Variants in ARHGEF3 observed in about 807,000 individuals in gnomAD.
ARHGEF3 encodes the protein 59.8 kDA protein.
In ARHGEF3, 28 loss-of-function variants were observed where a neutral mutation model predicts 63.2. The ratio of observed to expected loss-of-function variants is 0.44; its 90% CI spans 0.33 to 0.61. The LOEUF (loss-of-function observed/expected upper bound fraction) is 0.61. Among genes scored for constraint, ARHGEF3 ranks in the 20% least tolerant of loss-of-function variants. ARHGEF3 has a pLI of 0.03. For synonymous variants in ARHGEF3, 266 were observed against 254.2 expected, an observed-to-expected ratio of 1.05 and a Z score of -0.44; for missense variants, 533 against 659.3, an observed-to-expected ratio of 0.81 and a Z score of 2.10.
At chr3:57,061,692 T>C (rs1705231093) in intron 1 of ARHGEF3, among the ~76,000 whole-genome samples, 2 of 152,228 alleles carry the variant, frequency 1.3e-5, no homozygotes, top group Admixed American at 6.5e-5. Context: ...CCTCTATGTT[T>C]AACTCCTGTT....
Position 56,737,320 on chromosome 3 carries a change from G to A in ARHGEF3, c.906C>T (p.Asn302=). 1 of 1,613,128 alleles carries A rather than the reference G, an allele frequency of 6.2e-7. No individual in the cohort carries two copies. Among genetic ancestry groups the A allele is most frequent in the Non-Finnish European group, 8.5e-7 (1 of 1,179,562 alleles). ...GGCATTCAGATTCACCAGTCTTGGT[G>A]TTGATTTCTGCCACAATTCCCTGAA... The part of the protein sequence containing the change: ...NIIQGIVAEI[N]TKTGESECRY... Residue 302 remains asparagine (N), a synonymous_variant, in exon 8 of 10, where the codon AAC becomes AAT. Coordinates refer to ENST00000296315, the MANE Select transcript of ARHGEF3 (RefSeq NM_019555.3).
chr3:56,944,069 G>C (rs577799615), intron 3 of ARHGEF3, among the ~76,000 whole-genome samples: 1 of 152,014 alleles, frequency 6.6e-6, no homozygotes, highest in Non-Finnish European at 1.5e-5. Context: ...CCAGCTACTC[G>C]GGCGGCTGAG....
intron 4 of ARHGEF3, among the ~76,000 whole-genome samples, chr3:56,848,418 C>G (rs566392392): frequency 2.6e-5 from 4 of 152,280 alleles, no homozygotes; most frequent in Admixed American, 2.6e-4. Flanking sequence ...CTCGGTCTCC[C>G]CAACTGTACA....
chr3:56,811,258 A>C (rs2038052442), intron 4 of ARHGEF3, among the ~76,000 whole-genome samples: 1 of 152,218 alleles, frequency 6.6e-6, no homozygotes, highest in Non-Finnish European at 1.5e-5. Context: ...GCTTATCTTC[A>C]TAGCCAGAGG....
chr3:56,795,775 T>G (rs960931082), intron 1 of ARHGEF3, among the ~76,000 whole-genome samples: 3 of 151,552 alleles, frequency 2.0e-5, no homozygotes, highest in Non-Finnish European at 4.4e-5. Flanking sequence ...CTGAGTAGCT[T>G]GGATTACAGG....
At chr3:56,867,198 C>T (rs1277345343) in intron 4 of ARHGEF3, among the ~76,000 whole-genome samples, 1 of 152,032 alleles carries the variant, frequency 6.6e-6, no homozygotes, top group African/African-American at 2.4e-5. Flanking sequence ...AGTAACCTTC[C>T]AAAGACAGCA....
At chr3:56,772,205 G>A (rs948274921) in intron 2 of ARHGEF3, among the ~76,000 whole-genome samples, 3 of 152,180 alleles carry the variant, frequency 2.0e-5, no homozygotes, top group African/African-American at 7.2e-5. Context: ...ATTCATTCAG[G>A]AGAAACTGCA....
chr3:56,910,461 T>C (rs181561988), intron 3 of ARHGEF3, among the ~76,000 whole-genome samples: 4 of 152,318 alleles, frequency 2.6e-5, no homozygotes, highest in South Asian at 4.1e-4. Flanking sequence ...CCCCAAAGCA[T>C]GTAAAGTGGA....
intron 1 of ARHGEF3, chr3:56,774,879 C>G (rs2036204078): frequency 1.2e-6 from 1 of 843,652 alleles, no homozygotes; most frequent in African/African-American, 1.8e-5. Context: ...TTGACAGAGA[C>G]TCTGTGTCAA....
At chr3:56,916,887 A>G (rs887252931) in intron 3 of ARHGEF3, among the ~76,000 whole-genome samples, 1 of 152,194 alleles carries the variant, frequency 6.6e-6, no homozygotes, top group African/African-American at 2.4e-5. Flanking sequence ...TCGCGGTTCA[A>G]AAGCAACTAC....
chr3:56,880,821 A>G (rs1350956105), intron 4 of ARHGEF3, among the ~76,000 whole-genome samples: 2 of 152,250 alleles, frequency 1.3e-5, no homozygotes, highest in Non-Finnish European at 2.9e-5. Flanking sequence ...TTCAATGAGT[A>G]AAGTAAAACC....
intron 2 of ARHGEF3, among the ~76,000 whole-genome samples, chr3:57,027,331 A>T (rs1355795512): frequency 6.6e-6 from 1 of 152,180 alleles, no homozygotes; most frequent in Non-Finnish European, 1.5e-5. Context: ...TGAGAAGGTG[A>T]CTGCCTGGCA....
intron 4 of ARHGEF3, among the ~76,000 whole-genome samples, chr3:56,878,278 A>G (rs1380572156): frequency 1.3e-5 from 2 of 152,146 alleles, no homozygotes; most frequent in Non-Finnish European, 2.9e-5. Flanking sequence ...CATCCTACTC[A>G]TATCCTCTGA....
intron 2 of ARHGEF3, among the ~76,000 whole-genome samples, chr3:56,988,167 T>C (rs1361629278): frequency 6.6e-6 from 1 of 152,156 alleles, no homozygotes; most frequent in Non-Finnish European, 1.5e-5. Context: ...TGTTTTGAGA[T>C]GGAGTCTCAC....
At chr3:56,737,390 A>G in intron 7 of ARHGEF3, 35 bp from the exon 8 acceptor site, 2 of 1,562,880 alleles carry the variant, frequency 1.3e-6, no homozygotes, top group Non-Finnish European at 1.8e-6. Context: ...AGTATGGAGG[A>G]AAGCAGCAAA....
intron 3 of ARHGEF3, among the ~76,000 whole-genome samples, chr3:56,928,905 G>T (rs2042342613): frequency 6.6e-6 from 1 of 152,222 alleles, no homozygotes; most frequent in South Asian, 2.1e-4. Flanking sequence ...ACGGGCCTCA[G>T]TGAGGAGGTG....
At chr3:56,879,868 T>C (rs2040709542) in intron 4 of ARHGEF3, among the ~76,000 whole-genome samples, 2 of 152,256 alleles carry the variant, frequency 1.3e-5, no homozygotes, top group Non-Finnish European at 1.5e-5. Flanking sequence ...GTTGCCTTTA[T>C]GGCAAAACAT....
intron 8 of ARHGEF3, among the ~76,000 whole-genome samples, chr3:56,733,939 G>A (rs2033405584): frequency 6.8e-6 from 1 of 148,056 alleles, no homozygotes; most frequent in East Asian, 2.0e-4. Flanking sequence ...AGCTGAGATC[G>A]GGCCATTGCA....
intron 3 of ARHGEF3, among the ~76,000 whole-genome samples, chr3:56,906,162 C>G (rs1469264381): frequency 6.6e-6 from 1 of 152,116 alleles, no homozygotes. Context: ...CGCGCCCAGT[C>G]CAATATGGGA....
Sources: gnomAD v4.1 joint callset for allele counts (sites outside exome capture counted in the v4.1 genomes callset) on GRCh38, gnomAD v4.1.1 for gene constraint, MANE v1.5 for transcripts, NCBI Gene and HGNC (gene_info 2026-07-23, HGNC 2026-07-21) for gene names.